RBMS3: variants seen among roughly 807,000 people sequenced by gnomAD.
RBMS3 encodes RNA binding motif single stranded interacting protein 3.
A neutral mutation model predicts 66.8 loss-of-function variants in RBMS3; 27 were observed. The observed-to-expected ratio is 0.40, with a 90% CI of 0.30 to 0.56. The LOEUF is 0.56. Among genes scored for constraint, RBMS3 ranks in the 20% least tolerant of loss-of-function variants. The pLI, the probability that RBMS3 is intolerant of heterozygous loss-of-function variation, is 0.40. For missense variants in RBMS3, 513 were observed against 549.5 expected (o/e 0.93, Z 0.66); for synonymous variants, 188 against 183.0 (o/e 1.03, Z -0.22).
chr3:29,718,761 T>C (rs2053516673), intron 4 of RBMS3, among the ~76,000 whole-genome samples: 1 of 152,190 alleles, frequency 6.6e-6, no homozygotes, highest in Non-Finnish European at 1.5e-5. Flanking sequence ...TGTAATCAGG[T>C]AGGCCAAGGA....
chr3:29,285,032 GAAT>G (rs1315317949), intron 1 of RBMS3, among the ~76,000 whole-genome samples: 2 of 150,874 alleles, frequency 1.3e-5, no homozygotes, highest in East Asian at 3.9e-4. Flanking sequence ...GGGACACCCA[GAAT>G]AATCAGCAAG....
At chr3:29,719,323 G>T (rs1443473658) in intron 4 of RBMS3, among the ~76,000 whole-genome samples, 1 of 150,986 alleles carries the variant, frequency 6.6e-6, no homozygotes, top group East Asian at 1.9e-4. Context: ...CTATAAATTT[G>T]CTTTGAGACC....
intron 3 of RBMS3, among the ~76,000 whole-genome samples, chr3:29,515,439 G>A (rs1323827066): frequency 1.3e-5 from 2 of 152,076 alleles, no homozygotes; most frequent in Admixed American, 6.6e-5. Flanking sequence ...ACCAAGGAGA[G>A]GTTTATAGGC....
chr3:29,901,045 G>A (rs1031878646), intron 10 of RBMS3, among the ~76,000 whole-genome samples: 1 of 151,580 alleles, frequency 6.6e-6, no homozygotes, highest in Non-Finnish European at 1.5e-5. Flanking sequence ...AATATATGTA[G>A]TTTACCACAG....
intron 1 of RBMS3, among the ~76,000 whole-genome samples, chr3:29,363,462 A>G (rs914982892): frequency 2.6e-5 from 4 of 152,174 alleles, no homozygotes; most frequent in African/African-American, 4.8e-5. Flanking sequence ...GAAAATATTT[A>G]TACATTACCA....
At chr3:29,344,247 T>C (rs2036443470) in intron 1 of RBMS3, among the ~76,000 whole-genome samples, 1 of 152,194 alleles carries the variant, frequency 6.6e-6, no homozygotes. Context: ...TCATCCATTA[T>C]TTGTAAAGGC....
chr3:29,841,243 G>A (rs1354220992), intron 6 of RBMS3, among the ~76,000 whole-genome samples: 3 of 151,586 alleles, frequency 2.0e-5, no homozygotes, highest in African/African-American at 7.3e-5. Flanking sequence ...ATTAGCCCTC[G>A]ATTTGTTGTG....
At chr3:29,547,350 CATT>C (rs536038875) in intron 3 of RBMS3, among the ~76,000 whole-genome samples, 147 of 152,264 alleles carry the variant, frequency 9.7e-4, no homozygotes, top group Non-Finnish European at 1.8e-3. Context: ...CATTATCACT[CATT>C]ATCACTATTC....
At chr3:29,588,601 T>C (rs2047615640) in intron 4 of RBMS3, among the ~76,000 whole-genome samples, 1 of 152,130 alleles carries the variant, frequency 6.6e-6, no homozygotes. Context: ...CTCATTGTCC[T>C]TTATGACACA....
chr3:29,536,963 T>C (rs1576157916), intron 3 of RBMS3, among the ~76,000 whole-genome samples: 2 of 152,234 alleles, frequency 1.3e-5, no homozygotes, highest in East Asian at 3.8e-4. Context: ...TACCAGTAGG[T>C]TCTGGAGAGA....
At chr3:29,759,645 A>T (rs972360992) in intron 5 of RBMS3, among the ~76,000 whole-genome samples, 4 of 152,106 alleles carry the variant, frequency 2.6e-5, no homozygotes, top group African/African-American at 9.7e-5. Flanking sequence ...AGAGAGGTTA[A>T]TTGTGAAACT....
chr3:29,876,593 A>G (rs1250422087), intron 7 of RBMS3, among the ~76,000 whole-genome samples: 1 of 152,158 alleles, frequency 6.6e-6, no homozygotes, highest in Non-Finnish European at 1.5e-5. Flanking sequence ...AGCTTCCACC[A>G]TGGGTCATGG....
At position 29,469,551 on chromosome 3, in the gene RBMS3, T is replaced by TA. The variant is rs555423707; in HGVS notation, c.249-18889dup. ...TGAAAATAACAGAATTGCAGTCTCT[T>TA]ACACCATCATGATTGAATTCATGAT... On this transcript the variant is annotated intron_variant, in intron 2 of 14. Transcript: ENST00000383767. Among the ~76,000 whole-genome samples, 6 of 152,032 alleles carry TA rather than the reference T, an allele frequency of 3.9e-5. No individual in the cohort carries two copies. The East Asian group carries it at 7.7e-4, about 20-fold the overall frequency.
intron 4 of RBMS3, among the ~76,000 whole-genome samples, chr3:29,718,287 T>C (rs2053491737): frequency 6.6e-6 from 1 of 152,118 alleles, no homozygotes; most frequent in Admixed American, 6.6e-5. Context: ...TGCTTCTATA[T>C]ATCACATGTC....
chr3:29,685,059 T>C (rs1411342412), intron 4 of RBMS3, among the ~76,000 whole-genome samples: 3 of 29,520 alleles, frequency 1.0e-4, no homozygotes, highest in Non-Finnish European at 2.3e-4. Flanking sequence ...TTTGCTTTGT[T>C]TTGTTTTGTT....
intron 4 of RBMS3, among the ~76,000 whole-genome samples, chr3:29,643,340 C>G (rs1400712898): frequency 1.3e-5 from 2 of 152,100 alleles, no homozygotes; most frequent in Non-Finnish European, 2.9e-5. Context: ...CTTTTAGGAA[C>G]AAGGTTTTTG....
At chr3:29,665,318 G>T (rs543476142) in intron 4 of RBMS3, among the ~76,000 whole-genome samples, 4 of 152,140 alleles carry the variant, frequency 2.6e-5, no homozygotes, top group Admixed American at 1.3e-4. Context: ...ATATACGATT[G>T]ATTTATTTAA....
chr3:29,310,063 TA>T (rs951235192), intron 1 of RBMS3, among the ~76,000 whole-genome samples: 1 of 151,072 alleles, frequency 6.6e-6, no homozygotes, highest in Admixed American at 6.6e-5. Context: ...AGAACGTGAG[TA>T]AAAAAATGCC....
intron 2 of RBMS3, among the ~76,000 whole-genome samples, chr3:29,443,187 T>C (rs905260052): frequency 6.6e-6 from 1 of 152,018 alleles, no homozygotes; most frequent in Non-Finnish European, 1.5e-5. Context: ...AAATAAAAAA[T>C]CTTGGGGTAA....
Sources: gnomAD v4.1 joint callset for allele counts (sites outside exome capture counted in the v4.1 genomes callset) on GRCh38, gnomAD v4.1.1 for gene constraint, MANE v1.5 for transcripts, NCBI Gene and HGNC (gene_info 2026-07-23, HGNC 2026-07-21) for gene names.